The following UBE3A variants were observed in gnomAD, a reference collection of about 807,000 sequenced individuals.
UBE3A encodes ubiquitin protein ligase E3A.
UBE3A carries 6 observed loss-of-function variants against 83.4 expected under a neutral mutation model. The observed-to-expected ratio is 0.07, with a 90% CI of 0.04 to 0.14. The LOEUF (loss-of-function observed/expected upper bound fraction) is 0.14. Ranked by LOEUF, UBE3A falls within the 10% of genes least tolerant of loss-of-function variation. UBE3A has a pLI of 1.00. For missense variants in UBE3A, 456 were observed against 1,036.1 expected (o/e 0.44, Z 7.69); for synonymous variants, 337 against 355.4 (o/e 0.95, Z 0.58).
chr15:25,420,652 T>A (rs529697168), intron 1 of UBE3A: 1 of 152,098 alleles, frequency 6.6e-6, no homozygotes, highest in Non-Finnish European at 1.5e-5. Context: ...AAAACAGAAA[T>A]TACCAAGTGT....
chr15:25,438,997 C>G lies in UBE3A; in HGVS notation c.-673G>C, dbSNP rs1200326207. Reference sequence around the variant, plus strand: ...ACCATCTTGGGAGACACACGGATCTCGCGGCCGCGGCGCAAGACGGGAGGA... The same window carrying G: ...ACCATCTTGGGAGACACACGGATCTGGCGGCCGCGGCGCAAGACGGGAGGA... On this transcript the variant is annotated 5_prime_UTR_variant, in exon 1 of 13. Transcript: ENST00000648336. The G allele has an allele frequency of 6.6e-6, 1 of 152,090 alleles. No individual in the cohort carries two copies. Among genetic ancestry groups the G allele is most frequent in the Non-Finnish European group, 1.5e-5 (1 of 68,032 alleles). 9.4% of individuals were successfully genotyped at this position (152,090 alleles called of 1,614,324 possible). A position where few individuals can be genotyped will look rare whatever the true frequency, so the allele number is the denominator to read the frequency against.
intron 4 of UBE3A, among the ~76,000 whole-genome samples, chr15:25,398,816 A>AATAT (rs1349979924): frequency 4.9e-5 from 2 of 40,824 alleles, no homozygotes; most frequent in Non-Finnish European, 1.1e-4. Flanking sequence ...TATATATATA[A>AATAT]AAATACATAT....
At chr15:25,341,619 C>T (rs2074816017) in intron 11 of UBE3A, among the ~76,000 whole-genome samples, 2 of 150,920 alleles carry the variant, frequency 1.3e-5, no homozygotes, top group African/African-American at 2.4e-5. Flanking sequence ...AAAAATTAGC[C>T]GGGCGTGGTG....
intron 11 of UBE3A, among the ~76,000 whole-genome samples, chr15:25,342,723 G>T (rs1010770147): frequency 6.6e-6 from 1 of 152,148 alleles, no homozygotes; most frequent in Non-Finnish European, 1.5e-5. Context: ...GTGGGGAAAT[G>T]AGCAGGGTCC....
At chr15:25,429,993 A>G (rs1296097396) in intron 1 of UBE3A, among the ~76,000 whole-genome samples, 1 of 133,430 alleles carries the variant, frequency 7.5e-6, no homozygotes, top group Non-Finnish European at 1.5e-5. Flanking sequence ...CAACAGGGCG[A>G]GACTACATCT....
intron 9 of UBE3A, among the ~76,000 whole-genome samples, chr15:25,355,214 A>C (rs1413173345): frequency 6.6e-6 from 1 of 152,166 alleles, no homozygotes; most frequent in Non-Finnish European, 1.5e-5. Context: ...CAAGTTTTCT[A>C]CCATAGAATA....
chr15:25,365,591 C>G (rs1406205423), intron 6 of UBE3A, among the ~76,000 whole-genome samples: 1 of 151,078 alleles, frequency 6.6e-6, no homozygotes, highest in Non-Finnish European at 1.5e-5. Context: ...ACTAAAAATA[C>G]AAAAAAATTA....
In UBE3A at chr15:25,335,825, A is replaced by C. The variant is rs1256575107; in HGVS notation, c.*3312T>G. 1 of 152,176 alleles carries C rather than the reference A, an allele frequency of 6.6e-6. No individual in the cohort carries two copies. Among genetic ancestry groups the C allele is most frequent in the African/African-American group, 2.4e-5 (1 of 41,432 alleles). 9.4% of individuals were successfully genotyped at this position (152,176 alleles called of 1,614,324 possible). ...CTGGGCAAGAACAGGTAAGGACTTT[A>C]AGCAGAATTGGAGGAGTATCCATCT... is the stretch of plus-strand genomic sequence containing the variant. On this transcript the variant is annotated 3_prime_UTR_variant, in exon 13 of 13. Transcript: ENST00000648336.
At chr15:25,407,356 G>A in intron 3 of UBE3A, 3 of 809,876 alleles carry the variant, frequency 3.7e-6, no homozygotes, top group African/African-American at 1.9e-5. Flanking sequence ...AAAAAATGAG[G>A]ACATGATGAT....
Position 25,334,680 on chromosome 15 carries a change from T to G in UBE3A, c.*4457A>C, listed in dbSNP as rs1180855443. ...TACCAAGCTACAGCCATCAAGACAG[T>G]GCGGTGCTGGTATAACGACAGACAT... On this transcript the variant is annotated 3_prime_UTR_variant, in exon 13 of 13. Coordinates refer to ENST00000648336, the MANE Select transcript of UBE3A (RefSeq NM_130839.5). 3.3e-5 allele frequency: 5 copies of G among 151,772 alleles called. No homozygotes were observed. The highest frequency in any genetic ancestry group is 5.9e-5 in the Non-Finnish European group (4 of 67,972). The allele number at this position is 151,772 out of a possible 1,614,324, so 9.4% of individuals were successfully genotyped here.
At chr15:25,393,976 A>C (rs964908985) in intron 4 of UBE3A, 15 of 152,062 alleles carry the variant, frequency 9.9e-5, no homozygotes, top group African/African-American at 3.4e-4. Context: ...ACTTCTTACT[A>C]CTCAGTGGAC....
chr15:25,343,083 A>C (rs1214336083), intron 11 of UBE3A, among the ~76,000 whole-genome samples: 1 of 152,206 alleles, frequency 6.6e-6, no homozygotes, highest in African/African-American at 2.4e-5. Flanking sequence ...CTAAAGCAAC[A>C]GAAGAGGGAT....
chr15:25,349,280 C>CAGAT (rs1263324175), intron 11 of UBE3A, among the ~76,000 whole-genome samples: 4 of 152,102 alleles, frequency 2.6e-5, no homozygotes, highest in Non-Finnish European at 5.9e-5. Context: ...TGGTGGATCA[C>CAGAT]AGATTTACAC....
At chr15:25,411,421 C>T (rs767640183) in intron 2 of UBE3A, among the ~76,000 whole-genome samples, 149 of 152,358 alleles carry the variant, frequency 9.8e-4, no homozygotes, top group Non-Finnish European at 1.5e-3. Flanking sequence ...GAAACCCCGT[C>T]TCTACTAAAA....
Position 25,370,982 on chromosome 15 carries a change from T to C in UBE3A, c.1192A>G (p.Ile398Val), listed in dbSNP as rs200380619. ...AGTGTCAGCTCGCTGGACTCAGGGATGGGCTCTTCATCATCTTCTTCATTG... is the reference window on the plus strand; with the variant it reads ...AGTGTCAGCTCGCTGGACTCAGGGACGGGCTCTTCATCATCTTCTTCATTG... ...NHNEEDDEEP[I>V]PESSELTLQE... is the part of the protein sequence containing the mutation. The change falls in exon 6 of 13, where the codon ATC becomes GTC. Residue 398 changes from isoleucine (I) to valine (V), a missense_variant. Around this residue, in one of 13 missense-constraint regions of UBE3A, gnomAD observed 85 missense variants for 137.0 expected, o/e 0.62. Coordinates refer to ENST00000648336, the MANE Select transcript of UBE3A (RefSeq NM_130839.5). The surrounding 1 kb of genome is among the most constrained non-coding windows in gnomAD (Gnocchi z 4.2). 3 of 1,614,132 alleles carry C rather than the reference T, an allele frequency of 1.9e-6. No homozygotes were observed. Among genetic ancestry groups the C allele is most frequent in the Non-Finnish European group, 2.5e-6 (3 of 1,179,996 alleles).
At chr15:25,423,835 T>C (rs1890538677) in intron 1 of UBE3A, among the ~76,000 whole-genome samples, 1 of 152,296 alleles carries the variant, frequency 6.6e-6, no homozygotes, top group East Asian at 1.9e-4. Flanking sequence ...GCATCATGTT[T>C]TACTCCTCCC....
intron 1 of UBE3A, among the ~76,000 whole-genome samples, chr15:25,427,602 CAAAAAAAAAAAAAA>C (rs751567252): frequency 3.1e-5 from 2 of 64,182 alleles, no homozygotes; most frequent in Non-Finnish European, 5.1e-5. Context: ...CCCATCTCTA[CAAAAAAAAAAAAAA>C]AAAAAAAAAA....
chr15:25,430,049 ATT>A (rs1491365137), intron 1 of UBE3A, among the ~76,000 whole-genome samples: 17 of 92,368 alleles, frequency 1.8e-4, no homozygotes, highest in African/African-American at 3.1e-4. Context: ...ATATATATAT[ATT>A]TATATGTATT....
At chr15:25,406,480 T>G (rs1344672268) in intron 3 of UBE3A, among the ~76,000 whole-genome samples, 1 of 152,160 alleles carries the variant, frequency 6.6e-6, no homozygotes, top group African/African-American at 2.4e-5. Context: ...TCCCTATCTA[T>G]TCACTTTTAT....
Sources: allele counts gnomAD v4.1 joint callset (sites outside exome capture counted in the v4.1 genomes callset), GRCh38; gene constraint gnomAD v4.1.1; regional missense constraint gnomAD v4.1.1; non-coding constraint Gnocchi (gnomAD v3.1); transcripts MANE v1.5; gene names NCBI Gene and HGNC (gene_info 2026-07-23, HGNC 2026-07-21).